Variants in SUMF1 observed in about 807,000 individuals in gnomAD.
The protein encoded by SUMF1 is sulfatase modifying factor 1.
In SUMF1, 48 loss-of-function variants were observed where a neutral mutation model predicts 47.6. The ratio of observed to expected loss-of-function variants is 1.01; its 90% CI spans 0.80 to 1.28. SUMF1 has a LOEUF of 1.28. Ranked by LOEUF, SUMF1 falls within the 50% of genes most tolerant of loss-of-function variation. The pLI is 0.00. For synonymous variants in SUMF1, 230 were observed against 192.1 expected, an observed-to-expected ratio of 1.20 and a Z score of -1.63; for missense variants, 571 against 485.4, an observed-to-expected ratio of 1.18 and a Z score of -1.66.
At chr3:4,226,266 T>C (rs1161037283) in intron 8 of SUMF1, among the ~76,000 whole-genome samples, 2 of 32,190 alleles carry the variant, frequency 6.2e-5, no homozygotes, top group Non-Finnish European at 1.0e-4. Context: ...TTTTGTTTCT[T>C]TTTTTTTTTT....
rs147697560 is a variant in SUMF1 at position 4,061,327 on chromosome 3, G to A, written c.1191+7242C>T. ...CATCAGGACTCCCAGATAGTATTGA[G>A]GAACTAAAACTTACCAGACACCACA... On this transcript the variant is annotated intron_variant and NMD_transcript_variant, in intron 9 of 12. Transcript: ENST00000448413. 1.9e-3 allele frequency among the ~76,000 whole-genome samples: 293 copies of A among 152,168 alleles called. 2 individuals are homozygous for A. The highest frequency in any genetic ancestry group is 6.8e-3 in the African/African-American group (282 of 41,520).
At chr3:4,166,281 A>G (rs1156540428) in intron 8 of SUMF1, among the ~76,000 whole-genome samples, 2 of 152,130 alleles carry the variant, frequency 1.3e-5, no homozygotes, top group African/African-American at 2.4e-5. Flanking sequence ...AGAGGACCAT[A>G]CCATGAGGGA....
At chr3:4,255,976 C>T (rs1286411126) in intron 8 of SUMF1, among the ~76,000 whole-genome samples, 1 of 146,710 alleles carries the variant, frequency 6.8e-6, no homozygotes, top group African/African-American at 2.6e-5. Flanking sequence ...CAAAGCCGCT[C>T]AACTACATGC....
At chr3:4,136,228 C>T (rs969277248) in intron 8 of SUMF1, among the ~76,000 whole-genome samples, 4 of 152,138 alleles carry the variant, frequency 2.6e-5, no homozygotes, top group East Asian at 1.9e-4. Flanking sequence ...TCATACTATA[C>T]TACAAGGCTA....
intron 8 of SUMF1, among the ~76,000 whole-genome samples, chr3:4,367,971 C>A (rs1338350493): frequency 3.3e-5 from 5 of 152,040 alleles, no homozygotes; most frequent in African/African-American, 9.6e-5. Flanking sequence ...GCAACAAAAG[C>A]CAAAATTGAC....
intron 6 of SUMF1, among the ~76,000 whole-genome samples, chr3:4,415,755 G>A (rs916588182): frequency 1.3e-5 from 2 of 152,188 alleles, no homozygotes; most frequent in Non-Finnish European, 2.9e-5. Flanking sequence ...AGAGGTTGCA[G>A]TGAGCCAAGA....
intron 3 of SUMF1, among the ~76,000 whole-genome samples, chr3:4,435,829 G>A: frequency 6.6e-6 from 1 of 152,190 alleles, no homozygotes; most frequent in South Asian, 2.1e-4. Context: ...AAAACTAAGA[G>A]AATTCATTAC....
chr3:4,260,310 A>G (rs1012131948), intron 8 of SUMF1, among the ~76,000 whole-genome samples: 1 of 152,180 alleles, frequency 6.6e-6, no homozygotes, highest in Non-Finnish European at 1.5e-5. Context: ...GTTCTGGCTA[A>G]TTGATACCAG....
At chr3:4,085,179 T>C (rs778199844) in intron 8 of SUMF1, among the ~76,000 whole-genome samples, 3 of 152,066 alleles carry the variant, frequency 2.0e-5, no homozygotes, top group Non-Finnish European at 4.4e-5. Flanking sequence ...TTAAATGTAA[T>C]GAGATGAAGA....
intron 8 of SUMF1, among the ~76,000 whole-genome samples, chr3:4,284,778 G>A (rs11919952): frequency 0.073 from 11,029 of 152,022 alleles, 941 homozygotes; most frequent in African/African-American, 0.21. Context: ...AAGCATGGGG[G>A]GTAATTTGTT....
At chr3:4,253,659 C>A (rs1173484274) in intron 8 of SUMF1, among the ~76,000 whole-genome samples, 1 of 151,742 alleles carries the variant, frequency 6.6e-6, no homozygotes, top group African/African-American at 2.4e-5. Context: ...TGTGATCAAA[C>A]TGCAAGGCGG....
At chr3:4,202,642 G>C (rs1695565270) in intron 8 of SUMF1, among the ~76,000 whole-genome samples, 2 of 151,976 alleles carry the variant, frequency 1.3e-5, no homozygotes, top group African/African-American at 4.8e-5. Context: ...TTTCTGTGAA[G>C]AATGTCATTG....
At chr3:4,245,625 G>A (rs1696646493) in intron 8 of SUMF1, among the ~76,000 whole-genome samples, 1 of 152,024 alleles carries the variant, frequency 6.6e-6, no homozygotes, top group African/African-American at 2.4e-5. Context: ...CCTTCCAGAG[G>A]GTCACCCACC....
chr3:4,170,129 T>C (rs11714062), intron 8 of SUMF1, among the ~76,000 whole-genome samples: 50,916 of 152,110 alleles, frequency 0.33, 9,252 homozygotes, highest in Non-Finnish European at 0.42. Context: ...CATTTATTTA[T>C]ATATTGTCTA....
At position 4,430,332 on chromosome 3, in the gene SUMF1, T is replaced by C. The variant is rs989097340; in HGVS notation, c.520-10186A>G. On this transcript the variant is annotated intron_variant, in intron 3 of 8. Transcript: ENST00000272902. ...GGTAAGTCTTGAGTAACGGGACAGA[T>C]AGTAGGCACTTGAGCCAAGTGGCTA... is the stretch of plus-strand genomic sequence containing the variant. Among the ~76,000 whole-genome samples the C allele has an allele frequency of 3.9e-5, 6 of 152,156 alleles. No homozygotes were observed. The East Asian group carries it at 9.6e-4, about 24-fold the overall frequency.
chr3:4,038,751 G>C (rs1266161539), intron 9 of SUMF1, among the ~76,000 whole-genome samples: 1 of 152,200 alleles, frequency 6.6e-6, no homozygotes, highest in East Asian at 1.9e-4. Context: ...TGCTGTGGCA[G>C]TGGAAGAGAG....
intron 9 of SUMF1, among the ~76,000 whole-genome samples, chr3:4,050,061 C>T (rs369656128): frequency 2.6e-5 from 4 of 151,196 alleles, no homozygotes; most frequent in East Asian, 1.9e-4. Flanking sequence ...CTACTCTTCT[C>T]CTTGTCTGCT....
At chr3:4,427,034 T>C (rs1702089453) in intron 3 of SUMF1, among the ~76,000 whole-genome samples, 1 of 152,144 alleles carries the variant, frequency 6.6e-6, no homozygotes, top group African/African-American at 2.4e-5. Context: ...TAACCAGACT[T>C]GTAGTAGCAG....
chr3:4,198,773 C>T (rs1356016564), intron 8 of SUMF1, among the ~76,000 whole-genome samples: 2 of 152,030 alleles, frequency 1.3e-5, no homozygotes, highest in African/African-American at 4.8e-5. Context: ...TGGCAACTGT[C>T]TCCACTGAAG....
Sources: gnomAD v4.1 joint callset for allele counts (sites outside exome capture counted in the v4.1 genomes callset) on GRCh38, gnomAD v4.1.1 for gene constraint, MANE v1.5 for transcripts, NCBI Gene and HGNC (gene_info 2026-07-23, HGNC 2026-07-21) for gene names.